The following ZNF536 variants were observed in gnomAD, a reference collection of about 807,000 sequenced individuals.
The protein encoded by ZNF536 is zinc finger protein 536.
In ZNF536, 13 loss-of-function variants were observed where a neutral mutation model predicts 84.5. The ratio of observed to expected loss-of-function variants is 0.15; its 90% CI spans 0.10 to 0.24. ZNF536 has a LOEUF of 0.24. ZNF536 is among the 10% of genes least tolerant of loss of function. ZNF536 has a pLI of 1.00. For synonymous variants in ZNF536, 811 were observed against 742.5 expected (o/e 1.09, Z -1.50); for missense variants, 1,536 against 1,747.5 (o/e 0.88, Z 2.16).
rs531197390 is a variant in ZNF536 at position 30,521,288 on chromosome 19, G to A, written c.2171-13559G>A. The stretch of plus-strand genomic sequence containing the variant: ...ATTGGGCCATCTCTGTGCATGTCTG[G>A]GGGCTGTGGGGACACTTTGCTCAGC... On this transcript the variant is annotated intron_variant, in intron 2 of 4. Coordinates refer to ENST00000355537, the MANE Select transcript of ZNF536 (RefSeq NM_014717.3). 1.1e-4 allele frequency among the ~76,000 whole-genome samples: 17 copies of A among 152,304 alleles called. No homozygotes were observed. In the South Asian group the frequency reaches 3.5e-3, roughly 32 times the overall value.
At chr19:30,400,966 A>G (rs896287490) in intron 1 of ZNF536, among the ~76,000 whole-genome samples, 3 of 152,112 alleles carry the variant, frequency 2.0e-5, no homozygotes, top group African/African-American at 7.2e-5. Flanking sequence ...TTTTTCCTAT[A>G]TTATCTTCTA....
At chr19:30,514,623 C>T (rs996531478) in intron 2 of ZNF536, among the ~76,000 whole-genome samples, 1 of 151,940 alleles carries the variant, frequency 6.6e-6, no homozygotes, top group Non-Finnish European at 1.5e-5. Context: ...TTTCTTGGGG[C>T]ATCAAGACCA....
chr19:30,661,154 GA>G lies in ZNF536; in HGVS notation c.170-49595del, dbSNP rs1254042871. Among the ~76,000 whole-genome samples the G allele has an allele frequency of 2.6e-5, 4 of 152,020 alleles. No homozygotes were observed. The East Asian group carries it at 5.8e-4, about 22-fold the overall frequency. ...TGCATGAGGCTTGGAGTTGCAAGTT[GA>G]AAAAAAATCATTTCAATTCAAAGGA... On this transcript the variant is annotated intron_variant, in intron 1 of 1. Transcript: ENST00000592773.
intron 2 of ZNF536, among the ~76,000 whole-genome samples, chr19:30,324,942 G>A (rs1301453097): frequency 7.9e-5 from 12 of 152,274 alleles, no homozygotes; most frequent in Admixed American, 2.0e-4. Flanking sequence ...CTTCTAAACC[G>A]TTTGTTGTAC....
At chr19:30,550,651 A>G (rs2045742470) in intron 4 of ZNF536, among the ~76,000 whole-genome samples, 1 of 151,990 alleles carries the variant, frequency 6.6e-6, no homozygotes, top group African/African-American at 2.4e-5. Flanking sequence ...GAAGGGGGGG[A>G]AATAGAAGAG....
intron 1 of ZNF536, among the ~76,000 whole-genome samples, chr19:30,669,687 G>A (rs2050470174): frequency 6.6e-6 from 1 of 152,218 alleles, no homozygotes; most frequent in South Asian, 2.1e-4. Flanking sequence ...AGCTTGCAGG[G>A]GGGCTGCGTG....
intron 1 of ZNF536, among the ~76,000 whole-genome samples, chr19:30,643,088 T>C (rs2049324994): frequency 6.6e-6 from 1 of 152,238 alleles, no homozygotes; most frequent in South Asian, 2.1e-4. Context: ...TTTGCATAAA[T>C]TAATAAAATA....
intron 1 of ZNF536, among the ~76,000 whole-genome samples, chr19:30,422,092 A>C (rs1319660146): frequency 6.6e-6 from 1 of 152,234 alleles, no homozygotes; most frequent in Non-Finnish European, 1.5e-5. Context: ...AGCAAAAAGC[A>C]TCAGGAAGGT....
In ZNF536 at chr19:30,445,554, G is replaced by T. The variant is rs933375578; in HGVS notation, c.1992G>T (p.Leu664=). The change falls in exon 2 of 5, where the codon CTG becomes CTT. Residue 664 remains leucine, a synonymous_variant. Transcript: ENST00000355537. This position sits in a 1 kb window ranked among gnomAD's most constrained non-coding sequence, Gnocchi z 4.5. ...ACCGCAAGGGCGAGGAGGATGGGCT[G>T]CACGTGGGCCTGGATGAGCGGCGTG... ...KRDRKGEEDG[L]HVGLDERRGS... 2 of 1,613,558 alleles carry T rather than the reference G, an allele frequency of 1.2e-6. No homozygotes were observed. Among genetic ancestry groups the T allele is most frequent in the Non-Finnish European group, 1.7e-6 (2 of 1,179,804 alleles).
intron 2 of ZNF536, among the ~76,000 whole-genome samples, chr19:30,450,041 G>GAA (rs200453520): frequency 4.7e-5 from 5 of 106,554 alleles, no homozygotes; most frequent in Non-Finnish European, 1.1e-4. Context: ...AAAAGAAAAA[G>GAA]AAAAAAAATT....
At chr19:30,519,590 G>A (rs2044235033) in intron 2 of ZNF536, among the ~76,000 whole-genome samples, 2 of 152,224 alleles carry the variant, frequency 1.3e-5, no homozygotes, top group South Asian at 4.1e-4. Context: ...GCCTGTGGCA[G>A]CCTGTCCACT....
At chr19:30,556,616 C>G (rs1411344219) in intron 4 of ZNF536, 1 of 152,448 alleles carries the variant, frequency 6.6e-6, no homozygotes, top group African/African-American at 2.4e-5. Context: ...ATGGTCCACT[C>G]GTCATTTCAG....
chr19:30,333,319 C>T (rs572437339), intron 2 of ZNF536, among the ~76,000 whole-genome samples: 1 of 152,192 alleles, frequency 6.6e-6, no homozygotes, highest in African/African-American at 2.4e-5. Context: ...GACACAGAGA[C>T]GTCCGGGAGT....
intron 2 of ZNF536, among the ~76,000 whole-genome samples, chr19:30,466,580 A>AG (rs2053404582): frequency 1.0e-4 from 8 of 76,878 alleles, no homozygotes; most frequent in African/African-American, 7.6e-4. Context: ...GAAAGAAAGA[A>AG]AGAAAGAGAG....
chr19:30,432,477 A>T (rs973012389), intron 1 of ZNF536, among the ~76,000 whole-genome samples: 4 of 152,096 alleles, frequency 2.6e-5, no homozygotes, highest in African/African-American at 9.7e-5. Flanking sequence ...AGGATGTAGC[A>T]TGGAGGATGG....
chr19:30,713,233 A>G (rs1303587372), exon 2 of ZNF536: 5 of 152,342 alleles, frequency 3.3e-5, no homozygotes, highest in Non-Finnish European at 7.3e-5. Context: ...AGTGACAGCC[A>G]CAGTGATGCA....
intron 1 of ZNF536, among the ~76,000 whole-genome samples, chr19:30,376,893 C>A (rs1314005274): frequency 1.3e-5 from 2 of 152,306 alleles, no homozygotes; most frequent in East Asian, 3.9e-4. Context: ...ATTGCTGCGC[C>A]CAGCATCTGG....
chr19:30,687,372 C>T (rs1179503233), intron 1 of ZNF536, among the ~76,000 whole-genome samples: 1 of 152,176 alleles, frequency 6.6e-6, no homozygotes, highest in Non-Finnish European at 1.5e-5. Flanking sequence ...ACTGGGCTCC[C>T]TTCTTAGTGT....
chr19:30,311,364 A>G lies in ZNF536; in HGVS notation c.-120+27223A>G, dbSNP rs16964094. Among the ~76,000 whole-genome samples the G allele has an allele frequency of 8.4e-3, 1,286 of 152,322 alleles. 23 individuals are homozygous for G. Among genetic ancestry groups the G allele is most frequent in the African/African-American group, 0.03 (1,234 of 41,586 alleles). Reference sequence around the variant, plus strand: ...ATAAAAAACAATATGAAGCTGTAGCATTAAGTGTGGCGAAGTAGAAGAAAG... The same window carrying G: ...ATAAAAAACAATATGAAGCTGTAGCGTTAAGTGTGGCGAAGTAGAAGAAAG... On this transcript the variant is annotated intron_variant, in intron 2 of 5. Transcript: ENST00000585628.
Sources: gnomAD v4.1 joint callset for allele counts (sites outside exome capture counted in the v4.1 genomes callset) on GRCh38, gnomAD v4.1.1 for gene constraint, Gnocchi (gnomAD v3.1) non-coding constraint, MANE v1.5 for transcripts, NCBI Gene and HGNC (gene_info 2026-07-23, HGNC 2026-07-21) for gene names.